C3orf20: variants seen among roughly 807,000 people sequenced by gnomAD.
C3orf20 encodes the protein family with sequence similarity 149 member C.
In C3orf20, 76 loss-of-function variants were observed where a neutral mutation model predicts 88.3. The observed-to-expected ratio is 0.86, with a 90% CI of 0.72 to 1.04. The LOEUF is 1.04. C3orf20 is among the 50% of genes least tolerant of loss of function. The pLI, the probability that C3orf20 is intolerant of heterozygous loss-of-function variation, is 0.00. For synonymous variants in C3orf20, 436 were observed against 437.4 expected, an observed-to-expected ratio of 1.00 and a Z score of 0.04; for missense variants, 1,056 against 1,123.3, an observed-to-expected ratio of 0.94 and a Z score of 0.86.
Position 14,772,819 on chromosome 3 carries a change from C to T in C3orf20, c.2659C>T (p.Pro887Ser), listed in dbSNP as rs371851863. Residue 887 changes from proline to serine, a missense_variant, in exon 17 of 17, where the codon CCT (proline) becomes TCT (serine). By Grantham distance (74) the Pro-to-Ser change is moderately conservative. Coordinates refer to ENST00000253697, the MANE Select transcript of C3orf20 (RefSeq NM_032137.5). The surrounding 1 kb of genome is among the most constrained non-coding windows in gnomAD (Gnocchi z 4.2). ...KTREPEVELH[P>S]LSRDSKITSW... ...AAGAGAGCCTGAAGTGGAGCTACAT[C>T]CTCTCAGCAGGGACAGCAAGATAAC... 2 of 1,614,028 alleles carry T rather than the reference C, an allele frequency of 1.2e-6. No individual in the cohort carries two copies. Among genetic ancestry groups the T allele is most frequent in the Non-Finnish European group, 8.5e-7 (1 of 1,179,900 alleles).
At chr3:14,721,575 T>G (rs976524052) in intron 9 of C3orf20, 78 bp from the exon 10 acceptor site, 1 of 1,563,352 alleles carries the variant, frequency 6.4e-7, no homozygotes, top group Non-Finnish European at 8.7e-7. Context: ...AGGGGCTTTG[T>G]GCTTCGTGGT....
At chr3:14,712,617 T>G (rs1354614437) in intron 7 of C3orf20, among the ~76,000 whole-genome samples, 1 of 152,188 alleles carries the variant, frequency 6.6e-6, no homozygotes, top group Non-Finnish European at 1.5e-5. Flanking sequence ...GTGTGCCCAT[T>G]AACATAGGTT....
chr3:14,753,611 T>C (rs1484030798), intron 12 of C3orf20, among the ~76,000 whole-genome samples: 4 of 152,226 alleles, frequency 2.6e-5, no homozygotes, highest in African/African-American at 9.6e-5. Context: ...CTTTTTTGTT[T>C]CTTTGCATAC....
chr3:14,745,088 A>G (rs568976888), intron 12 of C3orf20, among the ~76,000 whole-genome samples: 7 of 152,356 alleles, frequency 4.6e-5, no homozygotes, highest in African/African-American at 1.7e-4. Context: ...GAAGTAAGGA[A>G]GCAACTGACA....
intron 12 of C3orf20, among the ~76,000 whole-genome samples, chr3:14,739,296 T>TCCCTGTACCCTGGTGA: frequency 6.6e-6 from 1 of 152,158 alleles, no homozygotes; most frequent in Non-Finnish European, 1.5e-5. Context: ...AAAATAATAA[T>TCCCTGTACCCTGGTGA]CTTGTACATC....
At chr3:14,715,474 C>A in intron 9 of C3orf20, 65 bp downstream of exon 9, 1 of 1,562,714 alleles carries the variant, frequency 6.4e-7, no homozygotes, top group Admixed American at 1.8e-5. Context: ...GTCTGGGCAT[C>A]CTGCCATGCA....
intron 15 of C3orf20, 37 bp downstream of exon 15, chr3:14,761,652 G>A: frequency 6.2e-7 from 1 of 1,612,190 alleles, no homozygotes; most frequent in Non-Finnish European, 8.5e-7. Flanking sequence ...GGATGGGCCT[G>A]GGGAGGTATG....
intron 4 of C3orf20, 89 bp from the exon 5 acceptor site, chr3:14,689,908 T>C (rs983478278): frequency 6.4e-7 from 1 of 1,567,372 alleles, no homozygotes; most frequent in Non-Finnish European, 8.8e-7. Flanking sequence ...CCCACCGTAC[T>C]ACTAGAACAA....
At chr3:14,706,437 G>A (rs539513919) in intron 7 of C3orf20, among the ~76,000 whole-genome samples, 9 of 151,856 alleles carry the variant, frequency 5.9e-5, no homozygotes, top group African/African-American at 2.2e-4. Flanking sequence ...TTCTATCAGG[G>A]GCATCAGAAA....
intron 11 of C3orf20, among the ~76,000 whole-genome samples, chr3:14,727,728 C>T (rs1265397439): frequency 6.6e-6 from 1 of 152,220 alleles, no homozygotes; most frequent in East Asian, 1.9e-4. Flanking sequence ...GTCACACCTC[C>T]TTTGGGCTCC....
At chr3:14,711,208 ATTTCT>A (rs1486688831) in intron 7 of C3orf20, among the ~76,000 whole-genome samples, 18 of 152,162 alleles carry the variant, frequency 1.2e-4, no homozygotes, top group Non-Finnish European at 2.2e-4. Flanking sequence ...TAAGTCCTCT[ATTTCT>A]TTATTGATCT....
chr3:14,740,744 A>G (rs1227966184), intron 12 of C3orf20, among the ~76,000 whole-genome samples: 1 of 151,860 alleles, frequency 6.6e-6, no homozygotes, highest in African/African-American at 2.4e-5. Flanking sequence ...CTGTCTTCCA[A>G]TTTACTCATG....
chr3:14,708,204 A>G (rs1383273482), intron 7 of C3orf20, among the ~76,000 whole-genome samples: 1 of 152,168 alleles, frequency 6.6e-6, no homozygotes, highest in Non-Finnish European at 1.5e-5. Flanking sequence ...TATGTGGTAT[A>G]AGATAAGGTT....
intron 12 of C3orf20, among the ~76,000 whole-genome samples, chr3:14,733,769 A>T (rs112792316): frequency 6.6e-6 from 1 of 151,806 alleles, no homozygotes; most frequent in Non-Finnish European, 1.5e-5. Context: ...GCTCAGGGCA[A>T]CCTCTGCCTC....
intron 9 of C3orf20, among the ~76,000 whole-genome samples, chr3:14,715,902 G>A (rs10212315): frequency 0.16 from 23,933 of 151,940 alleles, 2,152 homozygotes; most frequent in Non-Finnish European, 0.2. Context: ...TCATTTGGCT[G>A]TTCAGATAAT....
rs78397857 is a variant in C3orf20, at chr3:14,679,865, A to G, written c.-298-2305A>G. On this transcript the variant is annotated intron_variant, in intron 1 of 16. Coordinates refer to ENST00000253697, the MANE Select transcript of C3orf20 (RefSeq NM_032137.5). ...TTTTTAAAACAGTTTTTAGGTCTGA[A>G]TACACATTTCTCAAAAAAAGATATA... 4.5e-4 allele frequency among the ~76,000 whole-genome samples: 68 copies of G among 152,358 alleles called. No homozygotes were observed. The East Asian group carries it at 0.011, about 25-fold the overall frequency.
intron 7 of C3orf20, among the ~76,000 whole-genome samples, chr3:14,708,770 G>C (rs909902552): frequency 2.6e-5 from 4 of 151,970 alleles, no homozygotes; most frequent in Admixed American, 2.0e-4. Flanking sequence ...CAGCCTCCCA[G>C]ATAGCTGGGA....
At chr3:14,733,005 A>G (rs1453791494) in intron 12 of C3orf20, among the ~76,000 whole-genome samples, 1 of 151,486 alleles carries the variant, frequency 6.6e-6, no homozygotes, top group East Asian at 1.9e-4. Context: ...CTCTTTCTAG[A>G]CTCTGTTTTG....
intron 1 of C3orf20, among the ~76,000 whole-genome samples, chr3:14,678,979 C>T (rs1443953073): frequency 2.0e-5 from 3 of 151,884 alleles, no homozygotes; most frequent in Admixed American, 1.3e-4. Flanking sequence ...TGCTCTCCCA[C>T]GGATCCCCCC....
Sources: gnomAD v4.1 joint callset for allele counts (sites outside exome capture counted in the v4.1 genomes callset) on GRCh38, gnomAD v4.1.1 for gene constraint, Gnocchi (gnomAD v3.1) non-coding constraint, MANE v1.5 for transcripts, NCBI Gene and HGNC (gene_info 2026-07-23, HGNC 2026-07-21) for gene names.